The following UNC5C variants were observed in gnomAD, a reference collection of about 807,000 sequenced individuals.
UNC5C encodes the protein unc-5 netrin receptor C.
A neutral mutation model predicts 99.8 loss-of-function variants in UNC5C; 47 were observed. That is an observed-to-expected ratio of 0.47 (90% CI 0.37 to 0.60). The LOEUF (loss-of-function observed/expected upper bound fraction) is 0.60. Among genes scored for constraint, UNC5C ranks in the 20% least tolerant of loss-of-function variants. UNC5C has a pLI of 0.00. For missense variants in UNC5C, 1,062 were observed against 1,165.9 expected (o/e 0.91, Z 1.30); for synonymous variants, 487 against 452.2 (o/e 1.08, Z -0.98).
Position 95,467,242 on chromosome 4 carries a change from T to C in UNC5C, c.124+81492A>G, listed in dbSNP as rs183912531. On this transcript the variant is annotated intron_variant, in intron 1 of 15. Coordinates refer to ENST00000453304, the MANE Select transcript of UNC5C (RefSeq NM_003728.4). ...AGAACCAGTGTTGAAATGACCAATG[T>C]TTTTGTTTTAAGCTGCTAAATGTTG... Among the ~76,000 whole-genome samples, 385 of 152,284 alleles carry C rather than the reference T, an allele frequency of 2.5e-3. 1 individual carries two copies. Among genetic ancestry groups the C allele is most frequent in the African/African-American group, 8.6e-3 (356 of 41,578 alleles).
At chr4:95,533,216 T>C (rs1230997251) in intron 1 of UNC5C, among the ~76,000 whole-genome samples, 1 of 151,834 alleles carries the variant, frequency 6.6e-6, no homozygotes, top group African/African-American at 2.4e-5. Context: ...ACCAACATGG[T>C]AAAACCCCGT....
At chr4:95,422,652 A>C (rs1746355892) in intron 1 of UNC5C, among the ~76,000 whole-genome samples, 1 of 152,154 alleles carries the variant, frequency 6.6e-6, no homozygotes, top group East Asian at 1.9e-4. Flanking sequence ...AAGACATCTC[A>C]ATTAGTTCAG....
intron 1 of UNC5C, among the ~76,000 whole-genome samples, chr4:95,372,533 T>G (rs947817161): frequency 1.8e-4 from 27 of 152,208 alleles, no homozygotes; most frequent in African/African-American, 6.5e-4. Context: ...TTCTTAATTC[T>G]TCCTCTTATT....
intron 1 of UNC5C, among the ~76,000 whole-genome samples, chr4:95,458,699 G>T (rs1006027031): frequency 6.6e-6 from 1 of 151,852 alleles, no homozygotes; most frequent in Non-Finnish European, 1.5e-5. Flanking sequence ...TGAAATTTTG[G>T]TGTAAAGGAA....
intron 3 of UNC5C, among the ~76,000 whole-genome samples, chr4:95,278,777 G>A (rs575962799): frequency 3.2e-4 from 49 of 152,100 alleles, no homozygotes; most frequent in Non-Finnish European, 5.9e-4. Context: ...ATGGTGCCTG[G>A]ACTTGCATTT....
At chr4:95,465,889 C>A (rs1012625688) in intron 1 of UNC5C, among the ~76,000 whole-genome samples, 1 of 152,124 alleles carries the variant, frequency 6.6e-6, no homozygotes, top group Non-Finnish European at 1.5e-5. Flanking sequence ...TCTATCTTCA[C>A]CAATATTCAG....
intron 1 of UNC5C, among the ~76,000 whole-genome samples, chr4:95,545,967 G>C (rs979810626): frequency 2.0e-5 from 3 of 152,194 alleles, no homozygotes; most frequent in African/African-American, 7.2e-5. Flanking sequence ...AATGACTGCT[G>C]CCTAAACCAC....
At chr4:95,242,889 C>G (rs1320174956) in intron 6 of UNC5C, among the ~76,000 whole-genome samples, 2 of 152,108 alleles carry the variant, frequency 1.3e-5, no homozygotes, top group African/African-American at 2.4e-5. Flanking sequence ...TGATGGTTTC[C>G]CTTTTCCTAT....
chr4:95,205,788 C>G (rs1560731928), intron 11 of UNC5C, among the ~76,000 whole-genome samples: 1 of 152,008 alleles, frequency 6.6e-6, no homozygotes, highest in Non-Finnish European at 1.5e-5. Context: ...AAAGCATTGT[C>G]CTTAAGAAGT....
In UNC5C at chr4:95,220,282, T is replaced by C. The variant is rs944878599; in HGVS notation, c.1109-106A>G. 6 of 1,083,890 alleles carry C rather than the reference T, an allele frequency of 5.5e-6. No individual in the cohort carries two copies. In the African/African-American group the frequency reaches 9.6e-5, roughly 17 times the overall value. The allele number at this position is 1,083,890 out of a possible 1,614,324, so 67.1% of individuals were successfully genotyped here. A position where few individuals can be genotyped will look rare whatever the true frequency, so the allele number is the denominator to read the frequency against. On this transcript the variant is annotated intron_variant, in intron 7 of 15. Transcript: ENST00000453304. Reference sequence around the variant, plus strand: ...AGACATTTACTGCCTTTTTTATAGGTTAATTTCAAATCTATTTCAAAAGCT... The same window carrying C: ...AGACATTTACTGCCTTTTTTATAGGCTAATTTCAAATCTATTTCAAAAGCT...
At chr4:95,361,629 TA>T (rs1356973705) in intron 1 of UNC5C, among the ~76,000 whole-genome samples, 2 of 152,044 alleles carry the variant, frequency 1.3e-5, no homozygotes, top group Non-Finnish European at 2.9e-5. Flanking sequence ...TCACCAAAAC[TA>T]GAACCACATC....
chr4:95,484,280 TATGACCTAACACATTAAA>T (rs1295687852), intron 1 of UNC5C, among the ~76,000 whole-genome samples: 1 of 151,906 alleles, frequency 6.6e-6, no homozygotes, highest in Non-Finnish European at 1.5e-5. Flanking sequence ...AAAGGAGTGA[TATGACCTAACACATTAAA>T]ATGACCATTT....
chr4:95,291,090 G>A (rs1053711520), intron 3 of UNC5C, among the ~76,000 whole-genome samples: 1 of 151,994 alleles, frequency 6.6e-6, no homozygotes, highest in African/African-American at 2.4e-5. Flanking sequence ...AGATAGTCTT[G>A]TTAAAGAGTT....
Position 95,289,210 on chromosome 4 carries a change from G to GC in UNC5C, c.491-10849dup, listed in dbSNP as rs140563372. On this transcript the variant is annotated intron_variant, in intron 3 of 15. Coordinates refer to ENST00000453304, the MANE Select transcript of UNC5C (RefSeq NM_003728.4). ...CTCATTTACATACCCACTTCCTCCA[G>GC]CCCCTAAATCAGCATTGCTGTCAAG... is the stretch of plus-strand genomic sequence containing the variant. Among the ~76,000 whole-genome samples the GC allele has an allele frequency of 4.7e-3, 721 of 152,288 alleles. 25 individuals are homozygous for GC. The East Asian group carries it at 0.095, about 20-fold the overall frequency.
At chr4:95,436,420 A>C (rs1333091330) in intron 1 of UNC5C, among the ~76,000 whole-genome samples, 1 of 152,066 alleles carries the variant, frequency 6.6e-6, no homozygotes, top group Non-Finnish European at 1.5e-5. Flanking sequence ...ATAATTACTA[A>C]ATTAAAGACA....
intron 1 of UNC5C, among the ~76,000 whole-genome samples, chr4:95,546,507 C>T (rs1286847105): frequency 1.3e-5 from 2 of 152,074 alleles, no homozygotes; most frequent in Non-Finnish European, 2.9e-5. Context: ...AAGATAAAAG[C>T]GGTGGAATAG....
chr4:95,547,617 G>A (rs1294338770), intron 1 of UNC5C, among the ~76,000 whole-genome samples: 1 of 152,184 alleles, frequency 6.6e-6, no homozygotes, highest in Admixed American at 6.5e-5. Flanking sequence ...GAGCTGCCTC[G>A]CCTGAGCCGG....
At chr4:95,448,198 CTCTGTG>C (rs201490505) in intron 1 of UNC5C, among the ~76,000 whole-genome samples, 7 of 103,898 alleles carry the variant, frequency 6.7e-5, no homozygotes, top group Non-Finnish European at 9.7e-5. Context: ...ATGTGTGTGT[CTCTGTG>C]TGTGTGTGTG....
intron 1 of UNC5C, among the ~76,000 whole-genome samples, chr4:95,465,754 TA>T (rs962736883): frequency 4.6e-5 from 7 of 151,984 alleles, no homozygotes; most frequent in Non-Finnish European, 8.8e-5. Flanking sequence ...GCAGTCAGGT[TA>T]AAAAAAAGTT....
Sources: allele counts gnomAD v4.1 joint callset (sites outside exome capture counted in the v4.1 genomes callset), GRCh38; gene constraint gnomAD v4.1.1; transcripts MANE v1.5; gene names NCBI Gene and HGNC (gene_info 2026-07-23, HGNC 2026-07-21).